The following KDM3B variants were observed in gnomAD, a reference collection of about 807,000 sequenced individuals.
The protein encoded by KDM3B is lysine demethylase 3B, also known as lysine-specific demethylase 3B.
In KDM3B, 10 loss-of-function variants were observed where a neutral mutation model predicts 170.0. That is an observed-to-expected ratio of 0.06 (90% CI 0.04 to 0.10). KDM3B has a LOEUF of 0.10. Among genes scored for constraint, KDM3B ranks in the 10% least tolerant of loss-of-function variants. The pLI, the probability that KDM3B is intolerant of heterozygous loss-of-function variation, is 1.00. For synonymous variants in KDM3B, 831 were observed against 834.8 expected (o/e 1.00, Z 0.08); for missense variants, 1,394 against 2,195.2 (o/e 0.64, Z 7.29).
chr5:138,389,310 C>T lies in KDM3B; in HGVS notation c.1381-1703C>T, dbSNP rs74803907. Among the ~76,000 whole-genome samples the T allele has an allele frequency of 3.5e-4, 54 of 152,316 alleles. No individual in the cohort carries two copies. In the East Asian group the frequency reaches 6.5e-3, roughly 18 times the overall value. On this transcript the variant is annotated intron_variant, in intron 7 of 23. Coordinates refer to ENST00000314358, the MANE Select transcript of KDM3B (RefSeq NM_016604.4). ...GCAAGCCTAGGTGGCCTGCTTGATT[C>T]GTACGTCTCTATGCTACTCCTCAAG...
At chr5:138,381,282 A>G (rs1008613565) in intron 5 of KDM3B, among the ~76,000 whole-genome samples, 5 of 152,236 alleles carry the variant, frequency 3.3e-5, no homozygotes, top group Admixed American at 1.3e-4. Context: ...TCGCTAAAAG[A>G]CACAGTTGGA....
rs1023776321 is a variant in KDM3B, at chr5:138,386,520, G to A, written c.1279G>A (p.Ala427Thr). Residue 427 changes from alanine (A) to threonine (T), a missense_variant, in exon 7 of 24, where the codon GCC becomes ACC. Ala to Thr is a moderately conservative substitution (Grantham distance 58). Coordinates refer to ENST00000314358, the MANE Select transcript of KDM3B (RefSeq NM_016604.4). ...GGCTTCCGCAGCTGTGGTCACTACC[G>A]CCAGCTCCACCCCAAACACAGTGAG... ...IVASAAVVTT[A>T]SSTPNTVRIS... The A allele has an allele frequency of 1.9e-5, 30 of 1,614,018 alleles. No homozygotes were observed. Among genetic ancestry groups the A allele is most frequent in the Admixed American group, 1.0e-4 (6 of 59,984 alleles).
chr5:138,400,606 T>C (rs1762658807), intron 11 of KDM3B, among the ~76,000 whole-genome samples: 1 of 151,914 alleles, frequency 6.6e-6, no homozygotes. Context: ...ATTAGCTAGC[T>C]AGATATGGTG....
chr5:138,398,316 C>T lies in KDM3B; in HGVS notation c.2970C>T (p.Ile990=). ...TAGATCTAGAGACCTCAAAATACATCCTGGCCAATGTTGGGGACCAGTTCT... is the reference window on the plus strand; with the variant it reads ...TAGATCTAGAGACCTCAAAATACATTCTGGCCAATGTTGGGGACCAGTTCT... ...EGIDLETSKY[I]LANVGDQFCQ... The change falls in exon 10 of 24, where the codon ATC becomes ATT. Residue 990 remains isoleucine (I), a synonymous_variant. Transcript: ENST00000314358. 1.2e-6 allele frequency: 2 copies of T among 1,614,196 alleles called. No homozygotes were observed. Among genetic ancestry groups the T allele is most frequent in the Non-Finnish European group, 1.7e-6 (2 of 1,180,024 alleles).
intron 14 of KDM3B, 124 bp downstream of exon 14, chr5:138,419,356 C>A: frequency 3.3e-6 from 4 of 1,210,818 alleles, no homozygotes; most frequent in Non-Finnish European, 4.6e-6. Flanking sequence ...TCTGGCTAAT[C>A]ACATGAGGGA....
At chr5:138,433,825 GCCT>G (rs1179374156) in intron 23 of KDM3B, among the ~76,000 whole-genome samples, 1 of 151,870 alleles carries the variant, frequency 6.6e-6, no homozygotes. Flanking sequence ...TGCAGCCTCT[GCCT>G]CCTGGGTTCA....
chr5:138,405,522 AC>A (rs1762795608), intron 11 of KDM3B, among the ~76,000 whole-genome samples: 1 of 152,048 alleles, frequency 6.6e-6, no homozygotes, highest in African/African-American at 2.4e-5. Flanking sequence ...GAAAAAAAAA[AC>A]GAGTGACCAT....
At chr5:138,374,349 C>G (rs1204603480) in intron 2 of KDM3B, 10 of 426,114 alleles carry the variant, frequency 2.3e-5, no homozygotes, top group Admixed American at 2.3e-4. Flanking sequence ...CACCCCGCCT[C>G]CCAGGTTCAA....
intron 1 of KDM3B, among the ~76,000 whole-genome samples, chr5:138,370,889 A>T (rs747423981): frequency 1.1e-4 from 16 of 151,398 alleles, no homozygotes; most frequent in Non-Finnish European, 1.9e-4. Context: ...GCTCACTGCA[A>T]CCTCCGCCTC....
chr5:138,398,462 G>A, intron 10 of KDM3B, 70 bp downstream of exon 10: 1 of 1,364,264 alleles, frequency 7.3e-7, no homozygotes, highest in Non-Finnish European at 1.0e-6. Context: ...CACTTAACGG[G>A]AAGATTGGGG....
chr5:138,395,703 A>G (rs938072941), intron 9 of KDM3B, among the ~76,000 whole-genome samples: 8 of 151,428 alleles, frequency 5.3e-5, no homozygotes, highest in Admixed American at 1.3e-4. Context: ...TGCAACCTCC[A>G]TCTCCTGGGT....
chr5:138,413,410 A>G (rs960966259), intron 11 of KDM3B, among the ~76,000 whole-genome samples: 3 of 152,006 alleles, frequency 2.0e-5, no homozygotes, highest in African/African-American at 2.4e-5. Context: ...ACCGGACAGT[A>G]TCAAGTATTA....
chr5:138,355,503 C>T (rs1299178691), intron 1 of KDM3B, among the ~76,000 whole-genome samples: 11 of 152,310 alleles, frequency 7.2e-5, no homozygotes, highest in African/African-American at 2.6e-4. Context: ...CATAGGTGGA[C>T]ATCTTCACCA....
At chr5:138,381,759 C>T in intron 6 of KDM3B, 169 bp downstream of exon 6, 2 of 543,136 alleles carry the variant, frequency 3.7e-6, no homozygotes, top group South Asian at 2.9e-5. Flanking sequence ...GGGGGATATT[C>T]TCAAGAAAGA....
chr5:138,433,303 G>T (rs573767893), intron 23 of KDM3B, among the ~76,000 whole-genome samples: 1 of 150,884 alleles, frequency 6.6e-6, no homozygotes, highest in African/African-American at 2.4e-5. Flanking sequence ...TAATAGAGAC[G>T]GGGTTTCACC....
intron 7 of KDM3B, among the ~76,000 whole-genome samples, chr5:138,388,694 C>A (rs1251370008): frequency 1.4e-5 from 2 of 147,208 alleles, no homozygotes; most frequent in African/African-American, 5.0e-5. Context: ...TGTCTGTAAT[C>A]CTAGCTACCC....
Position 138,419,029 on chromosome 5 carries a change from C to G in KDM3B, c.3512C>G (p.Thr1171Arg). ...GGTGGAGGAGGACCGGCACCAGTAA[C>G]AACTCCAGAGCCGGACCATGTTCCC... is the stretch of plus-strand genomic sequence containing the variant. ...FSGGGGPAPV[T>R]TPEPDHVPKA... Residue 1171 changes from threonine to arginine, a missense_variant, in exon 14 of 24, where the codon ACA becomes AGA. Thr to Arg is a moderately conservative substitution (Grantham distance 71, BLOSUM62 -1). Around this residue, in one of 19 missense-constraint regions of KDM3B, gnomAD observed 87 missense variants for 83.3 expected, o/e 1.04. Coordinates refer to ENST00000314358, the MANE Select transcript of KDM3B (RefSeq NM_016604.4). 6.2e-7 allele frequency: 1 copy of G among 1,614,222 alleles called. No individual in the cohort carries two copies.
At chr5:138,413,395 A>G (rs1561787167) in intron 11 of KDM3B, among the ~76,000 whole-genome samples, 1 of 151,920 alleles carries the variant, frequency 6.6e-6, no homozygotes. Context: ...AAAAAAAAAA[A>G]GAAAACCGGA....
At chr5:138,412,456 C>T (rs913628500) in intron 11 of KDM3B, among the ~76,000 whole-genome samples, 1 of 151,964 alleles carries the variant, frequency 6.6e-6, no homozygotes, top group Admixed American at 6.6e-5. Context: ...GAGTTCAAGA[C>T]CAGCCTAGGC....
Sources: allele counts gnomAD v4.1 joint callset (sites outside exome capture counted in the v4.1 genomes callset), GRCh38; gene constraint gnomAD v4.1.1; regional missense constraint gnomAD v4.1.1; transcripts MANE v1.5; gene names NCBI Gene and HGNC (gene_info 2026-07-23, HGNC 2026-07-21).